G6PD: variants seen among roughly 807,000 people sequenced by gnomAD.
G6PD encodes glucose-6-phosphate 1-dehydrogenase.
Under a neutral mutation model 38.2 loss-of-function variants are expected in G6PD, and 2 were observed. That is an observed-to-expected ratio of 0.05 (90% CI 0.02 to 0.16). The LOEUF is 0.16. Ranked by LOEUF, G6PD falls within the 10% of genes least tolerant of loss-of-function variation. The pLI, the probability that G6PD is intolerant of heterozygous loss-of-function variation, is 1.00. For synonymous variants in G6PD, 188 were observed against 196.0 expected (o/e 0.96, Z 0.34); for missense variants, 310 against 471.6 (o/e 0.66, Z 3.17).
intron 1 of G6PD, 58 bp downstream of exon 1, chrX:154,546,721 TACCGCCGCGC>T (rs1371188481): frequency 5.4e-6 from 5 of 923,529 alleles, no homozygotes; most frequent in Non-Finnish European, 7.4e-6. Flanking sequence ...GCGTGTATTT[TACCGCCGCGC>T]GGCGCAGCGC....
rs782170250 is a variant in G6PD, at chrX:154,532,277, G to A, written c.1368C>T (p.Asp456=). The change falls in exon 12 of 13, where the codon GAC becomes GAT. Residue 456 remains aspartate (D), a synonymous_variant. Coordinates refer to ENST00000393562, the MANE Select transcript of G6PD (RefSeq NM_001360016.2). ...CGSQMHFVRS[D]ELREAWRIFT... is the part of the protein sequence containing the mutation. ...AAATACGCCAGGCCTCACGGAGCTC[G>A]TCGCTGAGGGGACATGGTATGGCTT... 2.3e-5 allele frequency: 28 copies of A among 1,209,700 alleles called. No individual in the cohort carries two copies. The highest frequency in any genetic ancestry group is 4.6e-4 in the Middle Eastern group (2 of 4,364).
chrX:154,534,205 G>T, intron 6 of G6PD, 45 bp from the exon 7 acceptor site: 1 of 1,209,093 alleles, frequency 8.3e-7, no homozygotes, highest in Non-Finnish European at 1.1e-6. Context: ...GGGCCTCTGT[G>T]GTGCAGGGGC....
intron 2 of G6PD, among the ~76,000 whole-genome samples, chrX:154,545,206 A>G (rs2070663172): frequency 9.0e-6 from 1 of 110,887 alleles, no homozygotes; most frequent in Non-Finnish European, 1.9e-5. Context: ...TGTCTTTCCT[A>G]TGAGTGCAGA....
rs1391931562 is a variant in G6PD at position 154,531,447 on chromosome X, C to T, written c.*553G>A. On this transcript the variant is annotated 3_prime_UTR_variant, in exon 13 of 13. Coordinates refer to ENST00000393562, the MANE Select transcript of G6PD (RefSeq NM_001360016.2). ...AGGTTGGGAGGGGTCCCAGCTGCTG[C>T]GTCTGCTTTTCTTATAGCAGAGAGG... The T allele has an allele frequency of 7.3e-5, 9 of 122,684 alleles. No individual in the cohort carries two copies. The highest frequency in any genetic ancestry group is 3.2e-4 in the Admixed American group (4 of 12,433). 10.1% of individuals were successfully genotyped at this position (122,684 alleles called of 1,213,427 possible).
chrX:154,544,900 G>A (rs1557232815), intron 2 of G6PD, among the ~76,000 whole-genome samples: 1 of 112,588 alleles, frequency 8.9e-6, no homozygotes, highest in African/African-American at 3.2e-5. Context: ...ACTGAGGGGC[G>A]CACGATGTGG....
chrX:154,532,154 T>C lies in G6PD; in HGVS notation c.1457+34A>G, dbSNP rs398123548. 7 of 1,177,722 alleles carry C rather than the reference T, an allele frequency of 5.9e-6. No homozygotes were observed. Among genetic ancestry groups the C allele is most frequent in the Non-Finnish European group, 6.9e-6 (6 of 869,015 alleles). ...CCACCCTCACCCCGCCCCTGCCCGC[T>C]GGGCTCTGTCCCCAGCCCCCACCCT... On this transcript the variant is annotated intron_variant, in intron 12 of 12. Transcript: ENST00000393562.
chrX:154,545,545 C>T (rs1355069713), intron 2 of G6PD, among the ~76,000 whole-genome samples: 3 of 111,837 alleles, frequency 2.7e-5, no homozygotes, highest in Non-Finnish European at 1.9e-5. Context: ...GGTTCAGAAA[C>T]GTCCTGCAGC....
intron 2 of G6PD, chrX:154,545,803 C>T: frequency 2.7e-6 from 1 of 368,619 alleles, no homozygotes; most frequent in Non-Finnish European, 4.7e-6. Flanking sequence ...CCACTGCACC[C>T]CATCCTGGGC....
chrX:154,542,265 T>A lies in G6PD; in HGVS notation c.120+3771A>T, dbSNP rs2070531700. 18 of 1,126,290 alleles carry A rather than the reference T, an allele frequency of 1.6e-5. 1 individual carries two copies. Among genetic ancestry groups the A allele is most frequent in the Non-Finnish European group, 2.2e-5 (18 of 836,199 alleles). 92.8% of individuals were successfully genotyped at this position (1,126,290 alleles called of 1,213,427 possible). A position where few individuals can be genotyped will look rare whatever the true frequency, so the allele number is the denominator to read the frequency against. ...GCGTCCTGAACGCCCATCAAGCCCA[T>A]GGCCCTTGTGATCCAGGTGGGGAAA... is the stretch of plus-strand genomic sequence containing the variant. On this transcript the variant is annotated intron_variant, in intron 2 of 12. Coordinates refer to ENST00000393562, the MANE Select transcript of G6PD (RefSeq NM_001360016.2).
In G6PD at chrX:154,531,749, T is replaced by A; in HGVS notation, c.*251A>T. The A allele has an allele frequency of 2.5e-6, 1 of 399,496 alleles. No homozygotes were observed. The highest frequency in any genetic ancestry group is 4.4e-5 in the East Asian group (1 of 22,798). The allele number at this position is 399,496 out of a possible 1,213,427, so 32.9% of individuals were successfully genotyped here. Reference sequence around the variant, plus strand: ...CCTCCTTCCTTCTGTTGGGCTGGAGTGAGTGGAGGAGGTGACTCAGCTCCT... The same window carrying A: ...CCTCCTTCCTTCTGTTGGGCTGGAGAGAGTGGAGGAGGTGACTCAGCTCCT... On this transcript the variant is annotated 3_prime_UTR_variant, in exon 13 of 13. Coordinates refer to ENST00000393562, the MANE Select transcript of G6PD (RefSeq NM_001360016.2).
chrX:154,545,978 C>G, intron 2 of G6PD, 58 bp downstream of exon 2: 4 of 1,198,200 alleles, frequency 3.3e-6, no homozygotes, highest in Non-Finnish European at 4.5e-6. Context: ...GTTGGAAAAG[C>G]TGAGGCATGG....
At chrX:154,547,386 G>A (rs1404346097), upstream of G6PD, 11 of 754,268 alleles carry the variant, frequency 1.5e-5, no homozygotes, top group Non-Finnish European at 1.6e-5. Context: ...CGAGCGCCCC[G>A]AGGCTAGACG....
intron 5 of G6PD, among the ~76,000 whole-genome samples, chrX:154,534,861 C>T (rs1482407220): frequency 8.9e-6 from 1 of 112,128 alleles, no homozygotes; most frequent in East Asian, 2.8e-4. Flanking sequence ...CTTTGCTTTA[C>T]TACCCCCGCA....
At chrX:154,535,472 G>A (rs2070397559) in intron 4 of G6PD, 87 bp from the exon 5 acceptor site, 5 of 885,830 alleles carry the variant, frequency 5.6e-6, no homozygotes, top group Non-Finnish European at 1.6e-6. Flanking sequence ...GGAGTGGAGG[G>A]TCTTCCCTGG....
chrX:154,533,161 T>C (rs1403700926), intron 8 of G6PD, 33 bp from the exon 9 acceptor site: 1 of 1,192,953 alleles, frequency 8.4e-7, no homozygotes, highest in African/African-American at 1.8e-5. Context: ...AATGGGCTCC[T>C]TGGGTGTTGA....
In G6PD at chrX:154,531,950, C is replaced by T. The variant is rs201294737; in HGVS notation, c.*50G>A. The stretch of plus-strand genomic sequence containing the variant: ...GGAGTCCTCCCGACTCGGGGTCGGG[C>T]GGCGGGAAGGAGGGTGGCCGTGGCG... On this transcript the variant is annotated 3_prime_UTR_variant, in exon 13 of 13. Transcript: ENST00000393562. 7.1e-5 allele frequency: 65 copies of T among 912,918 alleles called. No homozygotes were observed. The African/African-American group carries it at 9.9e-4, about 14-fold the overall frequency. The allele number at this position is 912,918 out of a possible 1,213,427, so 75.2% of individuals were successfully genotyped here. A position where few individuals can be genotyped will look rare whatever the true frequency, so the allele number is the denominator to read the frequency against.
rs2070736785 is a variant in G6PD at position 154,546,798 on chromosome X, G to C, written c.-18C>G. On this transcript the variant is annotated 5_prime_UTR_variant, in exon 1 of 13. Coordinates refer to ENST00000393562, the MANE Select transcript of G6PD (RefSeq NM_001360016.2). ...CCGCCCGGCCGGTTACCTGCGCTTC[G>C]TCGTCGTCGCCCTCCGCGCTCGCAG... 2.6e-6 allele frequency: 3 copies of C among 1,160,051 alleles called. No homozygotes were observed. The highest frequency in any genetic ancestry group is 3.3e-5 in the East Asian group (1 of 30,718).
chrX:154,535,005 G>C, intron 5 of G6PD, 163 bp downstream of exon 5: 2 of 537,593 alleles, frequency 3.7e-6, no homozygotes, highest in African/African-American at 2.2e-5. Context: ...GCGGAAAGGC[G>C]GTGTTTCGTG....
intron 1 of G6PD, among the ~76,000 whole-genome samples, chrX:154,546,380 G>A (rs1052087148): frequency 2.7e-5 from 3 of 112,214 alleles, no homozygotes; most frequent in African/African-American, 9.7e-5. Flanking sequence ...TTCATTCAGG[G>A]TGTACATTAC....
Sources: gnomAD v4.1 joint callset for allele counts (sites outside exome capture counted in the v4.1 genomes callset) on GRCh38, gnomAD v4.1.1 for gene constraint, MANE v1.5 for transcripts, NCBI Gene and HGNC (gene_info 2026-07-23, HGNC 2026-07-21) for gene names.